MAGI2: variants seen among roughly 807,000 people sequenced by gnomAD.
The protein encoded by MAGI2 is membrane associated guanylate kinase, WW and PDZ domain containing 2, also known as membrane-associated guanylate kinase, WW and PDZ domain-containing protein 2.
In MAGI2, 35 loss-of-function variants were observed where a neutral mutation model predicts 133.3. The ratio of observed to expected loss-of-function variants is 0.26; its 90% CI spans 0.20 to 0.35. MAGI2 has a LOEUF of 0.35. Ranked by LOEUF, MAGI2 falls within the 10% of genes least tolerant of loss-of-function variation. The probability of loss-of-function intolerance (pLI) is 1.00; values close to 1 mark genes in which losing one functional copy is unlikely to be tolerated. For missense variants in MAGI2, 1,636 were observed against 1,863.4 expected (o/e 0.88, Z 2.25); for synonymous variants, 729 against 710.6 (o/e 1.03, Z -0.41).
At chr7:78,360,131 A>T (rs1541483) in intron 7 of MAGI2, among the ~76,000 whole-genome samples, 1 of 152,012 alleles carries the variant, frequency 6.6e-6, no homozygotes, top group Non-Finnish European at 1.5e-5. Flanking sequence ...AGGATGCCCA[A>T]AGAATAATAT....
At chr7:78,475,151 C>T (rs1791613620) in intron 6 of MAGI2, among the ~76,000 whole-genome samples, 1 of 151,874 alleles carries the variant, frequency 6.6e-6, no homozygotes, top group African/African-American at 2.4e-5. Flanking sequence ...CTATCTGAAT[C>T]TTGTGTGTAT....
At chr7:78,291,995 T>G (rs1455747136) in intron 9 of MAGI2, among the ~76,000 whole-genome samples, 2 of 152,126 alleles carry the variant, frequency 1.3e-5, no homozygotes, top group Non-Finnish European at 2.9e-5. Context: ...GGGCAAAAAC[T>G]GGAAGCATTC....
chr7:78,627,376 CTGTT>C lies in MAGI2; in HGVS notation c.419-141_419-138del, dbSNP rs1400616781. The C allele has an allele frequency of 2.1e-5, 16 of 756,948 alleles. No individual in the cohort carries two copies. The Admixed American group carries it at 5.3e-4, about 25-fold the overall frequency. The allele number at this position is 756,948 out of a possible 1,614,324, so 46.9% of individuals were successfully genotyped here. On this transcript the variant is annotated intron_variant, in intron 2 of 21. Coordinates refer to ENST00000354212, the MANE Select transcript of MAGI2 (RefSeq NM_012301.4). Reference sequence around the variant, plus strand: ...AAGTTGGCAGTTTGCATTTGTCCTTCTGTTTGTTTGGCAACAGAAAACAGCAGGG... The same window carrying C: ...AAGTTGGCAGTTTGCATTTGTCCTTCTGTTTGGCAACAGAAAACAGCAGGG...
intron 3 of MAGI2, among the ~76,000 whole-genome samples, chr7:78,599,055 T>C (rs557396042): frequency 6.6e-6 from 1 of 152,104 alleles, no homozygotes; most frequent in Non-Finnish European, 1.5e-5. Flanking sequence ...ACGCAACAAA[T>C]TTAAGGGAGA....
chr7:79,167,309 C>T (rs1825031266), intron 1 of MAGI2, among the ~76,000 whole-genome samples: 1 of 150,184 alleles, frequency 6.7e-6, no homozygotes, highest in African/African-American at 2.5e-5. Flanking sequence ...ATTCTTCTGC[C>T]TCTCTACTGA....
intron 14 of MAGI2, 50 bp from the exon 15 acceptor site, chr7:78,168,158 C>T (rs1030667265): frequency 6.3e-6 from 8 of 1,276,652 alleles, no homozygotes; most frequent in Admixed American, 4.4e-5. Flanking sequence ...ATCCTTTTTC[C>T]TTTTTTTTTT....
At chr7:79,282,234 T>C (rs993575671) in intron 1 of MAGI2, among the ~76,000 whole-genome samples, 2 of 152,168 alleles carry the variant, frequency 1.3e-5, no homozygotes, top group African/African-American at 4.8e-5. Context: ...ATCTTACAAC[T>C]CCAGTTCCCT....
intron 2 of MAGI2, among the ~76,000 whole-genome samples, chr7:78,696,465 T>A (rs1817524060): frequency 6.6e-6 from 1 of 152,162 alleles, no homozygotes; most frequent in Admixed American, 6.5e-5. Flanking sequence ...TTACTTCATA[T>A]ACCTAGAGTT....
intron 2 of MAGI2, chr7:78,947,058 T>A (rs1801474796): frequency 6.6e-6 from 1 of 152,136 alleles, no homozygotes; most frequent in Non-Finnish European, 1.5e-5. Context: ...TGGCCTGAAT[T>A]ATGTTTATTA....
intron 2 of MAGI2, among the ~76,000 whole-genome samples, chr7:78,791,175 A>G (rs766233765): frequency 1.3e-5 from 2 of 152,224 alleles, no homozygotes; most frequent in African/African-American, 2.4e-5. Flanking sequence ...GGCAAAGAAC[A>G]GGAAACTGGT....
At chr7:78,242,029 A>C (rs181865805) in intron 10 of MAGI2, among the ~76,000 whole-genome samples, 1 of 152,308 alleles carries the variant, frequency 6.6e-6, no homozygotes, top group East Asian at 1.9e-4. Flanking sequence ...GACAGCACAT[A>C]AGGAATAGCA....
At chr7:78,870,305 T>C (rs572578871) in intron 2 of MAGI2, among the ~76,000 whole-genome samples, 1 of 148,770 alleles carries the variant, frequency 6.7e-6, no homozygotes, top group East Asian at 2.0e-4. Flanking sequence ...TGAGACCATG[T>C]CACTGCACTT....
chr7:78,581,638 T>A (rs1217639873), intron 3 of MAGI2, among the ~76,000 whole-genome samples: 2 of 152,148 alleles, frequency 1.3e-5, no homozygotes, highest in Non-Finnish European at 2.9e-5. Context: ...GAAATATCTT[T>A]CTCTCTCATT....
At position 78,728,644 on chromosome 7, in the gene MAGI2, C is replaced by T. The variant is rs1357234763; in HGVS notation, c.419-101405G>A. On this transcript the variant is annotated intron_variant, in intron 2 of 21. Coordinates refer to ENST00000354212, the MANE Select transcript of MAGI2 (RefSeq NM_012301.4). ...GCAGTGGCGGGATCTCGGCTCAGTG[C>T]AAGCTCCGCCTCCCGGGTTCACACC... Among the ~76,000 whole-genome samples, 3 of 101,420 alleles carry T rather than the reference C, an allele frequency of 3.0e-5. 1 individual carries two copies. Among genetic ancestry groups the T allele is most frequent in the Non-Finnish European group, 5.8e-5 (3 of 51,438 alleles). 66.5% of individuals were successfully genotyped at this position (101,420 alleles called of 152,430 possible).
intron 21 of MAGI2, among the ~76,000 whole-genome samples, chr7:78,052,634 C>T (rs958977837): frequency 6.6e-6 from 1 of 152,206 alleles, no homozygotes; most frequent in African/African-American, 2.4e-5. Flanking sequence ...TCACACGGCC[C>T]CTGCCAGAGC....
At position 78,256,238 on chromosome 7, in the gene MAGI2, C is replaced by A. The variant is rs761029489; in HGVS notation, c.1752G>T (p.Pro584=). 4 of 1,613,966 alleles carry A rather than the reference C, an allele frequency of 2.5e-6. No homozygotes were observed. Among genetic ancestry groups the A allele is most frequent in the African/African-American group, 1.3e-5 (1 of 75,006 alleles). The change falls in exon 10 of 22, where the codon CCG becomes CCT. Residue 584 remains proline (P), a synonymous_variant. Coordinates refer to ENST00000354212, the MANE Select transcript of MAGI2 (RefSeq NM_012301.4). ...TDGQLDGTYP[P]PVHDDNVSMA... is the part of the protein sequence containing the mutation. ...TAGACACATTGTCATCATGGACGGGCGGTGGATACGTGCCGTCTAGCTGAC... is the reference window on the plus strand; with the variant it reads ...TAGACACATTGTCATCATGGACGGGAGGTGGATACGTGCCGTCTAGCTGAC...
At chr7:78,822,889 A>G (rs1790252802) in intron 2 of MAGI2, among the ~76,000 whole-genome samples, 1 of 152,184 alleles carries the variant, frequency 6.6e-6, no homozygotes, top group Non-Finnish European at 1.5e-5. Flanking sequence ...TAGTATCTGA[A>G]TTATTTTCCA....
chr7:78,982,082 G>A (rs541811704), intron 2 of MAGI2, among the ~76,000 whole-genome samples: 5 of 151,250 alleles, frequency 3.3e-5, no homozygotes, highest in East Asian at 2.0e-4. Context: ...TCATCTTCTG[G>A]CGACGGGGCT....
At chr7:78,619,154 T>C (rs1056290049) in intron 3 of MAGI2, among the ~76,000 whole-genome samples, 6 of 151,378 alleles carry the variant, frequency 4.0e-5, no homozygotes, top group African/African-American at 9.7e-5. Context: ...CCCATAAATA[T>C]ACGCAATTAT....
Sources: gnomAD v4.1 joint callset for allele counts (sites outside exome capture counted in the v4.1 genomes callset) on GRCh38, gnomAD v4.1.1 for gene constraint, MANE v1.5 for transcripts, NCBI Gene and HGNC (gene_info 2026-07-23, HGNC 2026-07-21) for gene names.